PRKAR1B: variants seen among roughly 807,000 people sequenced by gnomAD.
The protein encoded by PRKAR1B is cAMP-dependent protein kinase type I-beta regulatory subunit.
PRKAR1B carries 22 observed loss-of-function variants against 46.5 expected under a neutral mutation model. The ratio of observed to expected loss-of-function variants is 0.47; its 90% CI spans 0.34 to 0.68. PRKAR1B has a LOEUF of 0.68. Ranked by LOEUF, PRKAR1B falls within the 30% of genes least tolerant of loss-of-function variation. PRKAR1B has a pLI of 0.01. For missense variants in PRKAR1B, 445 were observed against 535.6 expected (o/e 0.83, Z 1.67); for synonymous variants, 259 against 217.7 (o/e 1.19, Z -1.67).
intron 9 of PRKAR1B, among the ~76,000 whole-genome samples, chr7:555,555 T>C (rs1293421193): frequency 6.6e-6 from 1 of 152,058 alleles, no homozygotes; most frequent in Non-Finnish European, 1.5e-5. Flanking sequence ...GAGAGATGTG[T>C]TTTGTAAACC....
intron 2 of PRKAR1B, among the ~76,000 whole-genome samples, chr7:685,800 G>A (rs1329698650): frequency 6.6e-6 from 1 of 151,988 alleles, no homozygotes; most frequent in Non-Finnish European, 1.5e-5. Context: ...TTATAACAAA[G>A]GCATTTCCCC....
At chr7:665,249 G>A (rs1256201039) in intron 4 of PRKAR1B, among the ~76,000 whole-genome samples, 2 of 152,200 alleles carry the variant, frequency 1.3e-5, no homozygotes, top group African/African-American at 2.4e-5. Flanking sequence ...TTAATGAGCT[G>A]TGTGTGCATT....
At chr7:669,800 T>C (rs1786125449) in intron 4 of PRKAR1B, among the ~76,000 whole-genome samples, 1 of 150,486 alleles carries the variant, frequency 6.6e-6, no homozygotes, top group Non-Finnish European at 1.5e-5. Flanking sequence ...AAACTTTATG[T>C]GATATATATT....
At chr7:620,017 C>CT (rs71016891) in intron 4 of PRKAR1B, among the ~76,000 whole-genome samples, 72,831 of 130,924 alleles carry the variant, frequency 0.56, 21,191 homozygotes, top group South Asian at 0.79. Context: ...TACCCAGCTA[C>CT]TTTTTTTTTT....
At chr7:646,618 G>C (rs1384088058) in intron 4 of PRKAR1B, among the ~76,000 whole-genome samples, 2 of 152,150 alleles carry the variant, frequency 1.3e-5, no homozygotes, top group African/African-American at 4.8e-5. Flanking sequence ...ATTAAACCTT[G>C]TTTCCCATAA....
In PRKAR1B at chr7:590,043, C is replaced by T. The variant is rs184330671; in HGVS notation, c.709-5475G>A. 9.2e-5 allele frequency among the ~76,000 whole-genome samples: 14 copies of T among 152,368 alleles called. No individual in the cohort carries two copies. In the East Asian group the frequency reaches 1.5e-3, roughly 17 times the overall value. ...TGCAGGGAGAGGGGGCTCAACACCA[C>T]GCAGAGAGAACCGGAAATGTCGGTG... is the stretch of plus-strand genomic sequence containing the variant. On this transcript the variant is annotated intron_variant, in intron 7 of 10. Transcript: ENST00000537384.
chr7:574,723 C>G (rs554948975), intron 9 of PRKAR1B, among the ~76,000 whole-genome samples: 2 of 152,308 alleles, frequency 1.3e-5, no homozygotes, highest in East Asian at 3.9e-4. Flanking sequence ...GGATTATAGG[C>G]GTGAGCCACC....
At chr7:661,877 G>GA (rs1785594247) in intron 4 of PRKAR1B, among the ~76,000 whole-genome samples, 1 of 36,754 alleles carries the variant, frequency 2.7e-5, no homozygotes, top group Non-Finnish European at 5.1e-5. Flanking sequence ...ACTCCAACAG[G>GA]TCCAAATACC....
intron 4 of PRKAR1B, among the ~76,000 whole-genome samples, chr7:627,596 G>A (rs907152090): frequency 5.3e-5 from 8 of 152,160 alleles, no homozygotes; most frequent in Non-Finnish European, 8.8e-5. Flanking sequence ...ATATCACACC[G>A]TCCGGGGCAC....
rs997702033 is a variant in PRKAR1B at position 726,889 on chromosome 7, C to T, written c.-23+321G>A. 10 of 1,333,716 alleles carry T rather than the reference C, an allele frequency of 7.5e-6. No individual in the cohort carries two copies. Among genetic ancestry groups the T allele is most frequent in the Admixed American group, 7.3e-5 (2 of 27,336 alleles). The allele number at this position is 1,333,716 out of a possible 1,614,324, so 82.6% of individuals were successfully genotyped here. On this transcript the variant is annotated intron_variant, in intron 1 of 10. Coordinates refer to ENST00000537384, the MANE Select transcript of PRKAR1B (RefSeq NM_001164760.2). Reference sequence around the variant, plus strand: ...CGCCTTGGAGGCCCTGCGGCGCGCGCTGGAGGAGCCAGGCCCTGCCGCCGA... The same window carrying T: ...CGCCTTGGAGGCCCTGCGGCGCGCGTTGGAGGAGCCAGGCCCTGCCGCCGA...
At chr7:572,559 C>G (rs1306668205) in intron 9 of PRKAR1B, among the ~76,000 whole-genome samples, 2 of 152,142 alleles carry the variant, frequency 1.3e-5, no homozygotes, top group Non-Finnish European at 2.9e-5. Flanking sequence ...CAGGTGTGAG[C>G]AGGGGCTGTT....
At chr7:636,475 C>T (rs1029580247) in intron 4 of PRKAR1B, among the ~76,000 whole-genome samples, 1 of 151,860 alleles carries the variant, frequency 6.6e-6, no homozygotes, top group African/African-American at 2.4e-5. Context: ...GCCCACTGTG[C>T]CCACCGGATG....
intron 2 of PRKAR1B, among the ~76,000 whole-genome samples, chr7:695,187 G>T (rs1366513311): frequency 6.6e-6 from 1 of 152,144 alleles, no homozygotes; most frequent in Non-Finnish European, 1.5e-5. Context: ...CTCTGTGATC[G>T]GCAGGTGCAG....
At chr7:703,036 C>T (rs899638137) in intron 2 of PRKAR1B, among the ~76,000 whole-genome samples, 6 of 151,966 alleles carry the variant, frequency 3.9e-5, no homozygotes, top group African/African-American at 1.5e-4. Flanking sequence ...ATAAGACACA[C>T]ACTTTACTGA....
chr7:624,386 C>T (rs1210465269), intron 4 of PRKAR1B, among the ~76,000 whole-genome samples: 4 of 151,864 alleles, frequency 2.6e-5, no homozygotes, highest in African/African-American at 4.8e-5. Flanking sequence ...TGAGTGAGAT[C>T]GTGCCACTGC....
chr7:721,755 T>A (rs1781081097), intron 1 of PRKAR1B, among the ~76,000 whole-genome samples: 1 of 152,216 alleles, frequency 6.6e-6, no homozygotes, highest in Admixed American at 6.5e-5. Flanking sequence ...TGAGAACATC[T>A]TTACTCCTCT....
At chr7:699,648 C>T (rs1399633462) in intron 2 of PRKAR1B, among the ~76,000 whole-genome samples, 2 of 152,138 alleles carry the variant, frequency 1.3e-5, no homozygotes, top group East Asian at 1.9e-4. Context: ...AGGAAGCAGC[C>T]GTGGCCCTAA....
intron 9 of PRKAR1B, among the ~76,000 whole-genome samples, chr7:555,832 G>A (rs1778392318): frequency 1.3e-5 from 2 of 152,174 alleles, no homozygotes; most frequent in South Asian, 4.1e-4. Flanking sequence ...AGCACACCTG[G>A]CTCACAGGCC....
chr7:720,788 C>T (rs985157993), intron 1 of PRKAR1B, among the ~76,000 whole-genome samples: 4 of 152,218 alleles, frequency 2.6e-5, no homozygotes, highest in Non-Finnish European at 5.9e-5. Context: ...TTTATGTTTA[C>T]ATGATACTCT....
Sources: gnomAD v4.1 joint callset for allele counts (sites outside exome capture counted in the v4.1 genomes callset) on GRCh38, gnomAD v4.1.1 for gene constraint, MANE v1.5 for transcripts, NCBI Gene and HGNC (gene_info 2026-07-23, HGNC 2026-07-21) for gene names.